ZNF205: variants seen among roughly 807,000 people sequenced by gnomAD.
The protein encoded by ZNF205 is zinc finger protein 205.
In ZNF205, 32 loss-of-function variants were observed where a neutral mutation model predicts 53.6. That is an observed-to-expected ratio of 0.60 (90% CI 0.45 to 0.80). ZNF205 has a LOEUF of 0.80. Ranked by LOEUF, ZNF205 falls within the 30% of genes least tolerant of loss-of-function variation. ZNF205 has a pLI of 0.00. For missense variants in ZNF205, 836 were observed against 782.4 expected, an observed-to-expected ratio of 1.07 and a Z score of -0.82; for synonymous variants, 382 against 334.3, an observed-to-expected ratio of 1.14 and a Z score of -1.56.
chr16:3,118,940 G>A lies in ZNF205; in HGVS notation c.520G>A (p.Ala174Thr). 1 of 1,613,668 alleles carries A rather than the reference G, an allele frequency of 6.2e-7. No homozygotes were observed. The highest frequency in any genetic ancestry group is 1.7e-5 in the Admixed American group (1 of 60,022). Reference protein sequence around the residue: ...PFSRPFWAPQAHGKGEASGSS... With the variant: ...PFSRPFWAPQTHGKGEASGSS... ...CAGCAGGCCTTTCTGGGCCCCTCAA[G>A]CGCACGGCAAGGGTGAGGCCTCGGG... The change falls in exon 6 of 7, where the codon GCG (alanine) becomes ACG (threonine). Residue 174 changes from alanine to threonine, a missense_variant. Transcript: ENST00000219091.
At position 3,116,442 on chromosome 16, in the gene ZNF205, G is replaced by A. The variant is rs573488817; in HGVS notation, c.379G>A (p.Glu127Lys). The A allele has an allele frequency of 2.9e-5, 47 of 1,614,010 alleles. No individual in the cohort carries two copies. Among genetic ancestry groups the A allele is most frequent in the African/African-American group, 2.3e-4 (17 of 75,044 alleles). The change falls in exon 5 of 7, where the codon GAG becomes AAG. Residue 127 changes from glutamate (E) to lysine (K), a missense_variant. By Grantham distance (56) the Glu-to-Lys change is moderately conservative. Transcript: ENST00000219091. Reference sequence around the variant, plus strand: ...ATTGTTTCAGATGCCAGTGACTTTCGAGGATGTGGCCTTGTACCTCTCCCG... The same window carrying A: ...ATTGTTTCAGATGCCAGTGACTTTCAAGGATGTGGCCTTGTACCTCTCCCG... ...TAWSQMPVTF[E>K]DVALYLSREE...
chr16:3,115,301 G>A (rs2151227576), intron 2 of ZNF205, 54 bp from the exon 3 acceptor site: 1 of 1,396,482 alleles, frequency 7.2e-7, no homozygotes, highest in South Asian at 1.7e-5. Context: ...ACTGCCATGT[G>A]GCCCTGGGTG....
chr16:3,113,612 G>C (rs1185693091), intron 2 of ZNF205, 125 bp downstream of exon 2: 9 of 1,062,202 alleles, frequency 8.5e-6, no homozygotes, highest in Non-Finnish European at 1.2e-5. Flanking sequence ...TCAAAGAGAA[G>C]GTGGCATGCT....
rs777950837 is a variant in ZNF205 at position 3,115,531 on chromosome 16, C to T, written c.234C>T (p.His78=). 1.8e-5 allele frequency: 29 copies of T among 1,600,556 alleles called. No individual in the cohort carries two copies. The highest frequency in any genetic ancestry group is 2.3e-5 in the East Asian group (1 of 44,126). The stretch of plus-strand genomic sequence containing the variant: ...CCTGGGGCTGGGCACCCCTAAGTCA[C>T]GGCTCTAAGGAGAAAGCTCTCTTCC... ...QGAWGWAPLS[H]GSKEKALFLP... Residue 78 remains histidine, a synonymous_variant, in exon 3 of 7, where the codon CAC becomes CAT. Transcript: ENST00000219091.
intron 1 of ZNF205, 171 bp from the exon 2 acceptor site, chr16:3,113,246 T>C: frequency 1.6e-6 from 1 of 612,678 alleles, no homozygotes; most frequent in East Asian, 3.0e-5. Context: ...TCTGGGAGAC[T>C]TTCTTTCCGA....
intron 1 of ZNF205, 42 bp downstream of exon 1, chr16:3,112,724 C>T (rs1451640441): frequency 1.5e-5 from 4 of 269,770 alleles, no homozygotes; most frequent in East Asian, 9.0e-5. Flanking sequence ...ATCCCGAGAC[C>T]GGCGCAGATG....
At position 3,120,377 on chromosome 16, in the gene ZNF205, T is replaced by C; in HGVS notation, c.*52T>C. The stretch of plus-strand genomic sequence containing the variant: ...CCCAGGGCCACTGGAACAGCCCCAC[T>C]GGAGTCAAGGCTCCGAGGGAGGAGA... On this transcript the variant is annotated 3_prime_UTR_variant, in exon 7 of 7. Transcript: ENST00000219091. 6.9e-7 allele frequency: 1 copy of C among 1,448,000 alleles called. No homozygotes were observed. The highest frequency in any genetic ancestry group is 9.0e-7 in the Non-Finnish European group (1 of 1,106,642). The allele number at this position is 1,448,000 out of a possible 1,614,324, so 89.7% of individuals were successfully genotyped here. A position where few individuals can be genotyped will look rare whatever the true frequency, so the allele number is the denominator to read the frequency against.
intron 1 of ZNF205, 34 bp from the exon 2 acceptor site, chr16:3,113,383 A>G (rs747791122): frequency 6.2e-7 from 1 of 1,608,726 alleles, no homozygotes. Flanking sequence ...GCTTGGCCAA[A>G]AAGAGGGAGA....
rs548051367 is a variant in ZNF205 at position 3,119,547 on chromosome 16, G to C, written c.887G>C (p.Gly296Ala). ...EKGAPESGEEGLAPDSEVGRK... is the reference protein window; with the variant it reads ...EKGAPESGEEALAPDSEVGRK... ...GGCGCCCCGGAGAGTGGCGAGGAGG[G>C]CCTGGCCCCTGACAGTGAGGTGGGC... Residue 296 changes from glycine to alanine, a missense_variant, in exon 7 of 7, where the codon GGC becomes GCC. Physicochemically the swap from Gly to Ala is moderately conservative, Grantham distance 60. Coordinates refer to ENST00000219091, the MANE Select transcript of ZNF205 (RefSeq NM_001042428.2). 1.9e-5 allele frequency: 30 copies of C among 1,607,512 alleles called. No individual in the cohort carries two copies. In the East Asian group the frequency reaches 5.8e-4, roughly 31 times the overall value.
In ZNF205 at chr16:3,119,872, C is replaced by T. The variant is rs867865307; in HGVS notation, c.1212C>T (p.Arg404=). 6.2e-7 allele frequency: 1 copy of T among 1,613,478 alleles called. No homozygotes were observed. Among genetic ancestry groups the T allele is most frequent in the Admixed American group, 1.7e-5 (1 of 59,988 alleles). The part of the protein sequence containing the change: ...CDRCAKRFTR[R]SDLVTHQGTH... The stretch of plus-strand genomic sequence containing the variant: ...GCTGCGCCAAGCGCTTCACCCGCCG[C>T]TCGGACTTGGTCACCCACCAGGGCA... The change falls in exon 7 of 7, where the codon CGC becomes CGT. Residue 404 remains arginine (R), a synonymous_variant. Transcript: ENST00000219091.
In ZNF205 at chr16:3,120,001, C is replaced by T; in HGVS notation, c.1341C>T (p.Pro447=). The T allele has an allele frequency of 6.2e-7, 1 of 1,613,822 alleles. No individual in the cohort carries two copies. Among genetic ancestry groups the T allele is most frequent in the Non-Finnish European group, 8.5e-7 (1 of 1,179,922 alleles). The change falls in exon 7 of 7, where the codon CCC becomes CCT. Residue 447 remains proline, a synonymous_variant. Coordinates refer to ENST00000219091, the MANE Select transcript of ZNF205 (RefSeq NM_001042428.2). ...THQRTHTGVK[P]YPCPECGKCF... ...AGCGCACCCACACTGGGGTCAAGCC[C>T]TATCCGTGCCCCGAGTGCGGCAAGT...
Position 3,115,491 on chromosome 16 carries a change from A to G in ZNF205, c.194A>G (p.Asp65Gly). Residue 65 changes from aspartate (D) to glycine (G), a missense_variant, in exon 3 of 7, where the codon GAT becomes GGT. Coordinates refer to ENST00000219091, the MANE Select transcript of ZNF205 (RefSeq NM_001042428.2). ...EPHSEGASQE[D>G]GAQGAWGWAP... ...CACTCCGAGGGGGCATCGCAGGAGG[A>G]TGGGGCTCAAGGTGCCTGGGGCTGG... 6.2e-7 allele frequency: 1 copy of G among 1,607,814 alleles called. No individual in the cohort carries two copies. The highest frequency in any genetic ancestry group is 8.5e-7 in the Non-Finnish European group (1 of 1,177,446).
chr16:3,118,012 CTTTTTTT>C (rs71158135), intron 5 of ZNF205, among the ~76,000 whole-genome samples: 73 of 74,288 alleles, frequency 9.8e-4, no homozygotes, highest in African/African-American at 3.0e-3. Flanking sequence ...CCATGCCCGG[CTTTTTTT>C]TTTTTTTTTT....
intron 2 of ZNF205, chr16:3,115,051 A>C: frequency 7.9e-6 from 2 of 252,482 alleles, no homozygotes; most frequent in East Asian, 6.9e-5. Context: ...TATTCAAGCC[A>C]CTACACTTGG....
intron 2 of ZNF205, 132 bp from the exon 3 acceptor site, chr16:3,115,223 G>A: frequency 1.5e-6 from 1 of 677,218 alleles, no homozygotes; most frequent in Non-Finnish European, 2.2e-6. Flanking sequence ...GGGTGAGCTG[G>A]ATGAATGCAG....
rs894525533 is a variant in ZNF205 at position 3,119,917 on chromosome 16, G to A, written c.1257G>A (p.Pro419=). ...THQGTHTGAK[P]HKCPICAKCF... ...AGGGCACCCACACGGGCGCCAAGCCGCACAAGTGCCCCATCTGCGCCAAGT... is the reference window on the plus strand; with the variant it reads ...AGGGCACCCACACGGGCGCCAAGCCACACAAGTGCCCCATCTGCGCCAAGT... The change falls in exon 7 of 7, where the codon CCG becomes CCA. Residue 419 remains proline (P), a synonymous_variant. Coordinates refer to ENST00000219091, the MANE Select transcript of ZNF205 (RefSeq NM_001042428.2). 11 of 1,613,018 alleles carry A rather than the reference G, an allele frequency of 6.8e-6. No homozygotes were observed. In the Admixed American group the frequency reaches 1.0e-4, roughly 15 times the overall value.
rs372758954 is a variant in ZNF205 at position 3,115,938 on chromosome 16, G to A, written c.363+18G>A. The A allele has an allele frequency of 2.1e-5, 33 of 1,608,422 alleles. No homozygotes were observed. Among genetic ancestry groups the A allele is most frequent in the Middle Eastern group, 1.7e-4 (1 of 6,032 alleles). ...GGTCCCAGGTGAGTGGCCCTTCCCC[G>A]GCCCCTGCATGGTACTCAGCCCTTC... is the stretch of plus-strand genomic sequence containing the variant. On this transcript the variant is annotated intron_variant, in intron 4 of 6. Transcript: ENST00000219091.
At chr16:3,115,656 G>T in intron 3 of ZNF205, 88 bp downstream of exon 3, 2 of 1,449,996 alleles carry the variant, frequency 1.4e-6, no homozygotes, top group Non-Finnish European at 1.8e-6. Flanking sequence ...GGGGCTGAGG[G>T]TCTCTATGCC....
chr16:3,117,784 C>G (rs1018539219), intron 5 of ZNF205, among the ~76,000 whole-genome samples: 1 of 151,334 alleles, frequency 6.6e-6, no homozygotes, highest in African/African-American at 2.4e-5. Flanking sequence ...CAATTCCAGA[C>G]TTTAGTTTTA....
Sources: gnomAD v4.1 joint callset for allele counts (sites outside exome capture counted in the v4.1 genomes callset) on GRCh38, gnomAD v4.1.1 for gene constraint, MANE v1.5 for transcripts, NCBI Gene and HGNC (gene_info 2026-07-23, HGNC 2026-07-21) for gene names.